The following FER1L5 variants were observed in gnomAD, a reference collection of about 807,000 sequenced individuals.
FER1L5 encodes fer-1-like protein 5.
Under a neutral mutation model 279.9 loss-of-function variants are expected in FER1L5, and 187 were observed. The observed-to-expected ratio is 0.67, with a 90% confidence interval of 0.59 to 0.75. The LOEUF is 0.75. Among genes scored for constraint, FER1L5 ranks in the 30% least tolerant of loss-of-function variants. The probability of loss-of-function intolerance (pLI) is 0.00; values close to 1 mark genes in which losing one functional copy is unlikely to be tolerated. For synonymous variants in FER1L5, 921 were observed against 989.7 expected, an observed-to-expected ratio of 0.93 and a Z score of 1.30; for missense variants, 2,091 against 2,594.4, an observed-to-expected ratio of 0.81 and a Z score of 4.21.
chr2:96,690,603 T>C lies in FER1L5; in HGVS notation c.2743+14T>C, dbSNP rs2077103979. 1 of 1,550,266 alleles carries C rather than the reference T, an allele frequency of 6.5e-7. No individual in the cohort carries two copies. The highest frequency in any genetic ancestry group is 8.7e-7 in the Non-Finnish European group (1 of 1,145,752). Reference sequence around the variant, plus strand: ...TGGACAGTAAGGGTCAGTCGTTTGGTCAGGGTTGGGATCGGGAGAGACCAG... The same window carrying C: ...TGGACAGTAAGGGTCAGTCGTTTGGCCAGGGTTGGGATCGGGAGAGACCAG... On this transcript the variant is annotated intron_variant, in intron 27 of 52. Transcript: ENST00000624922.
At chr2:96,660,464 GGT>G in intron 10 of FER1L5, 93 bp downstream of exon 10, 3 of 1,091,770 alleles carry the variant, frequency 2.7e-6, no homozygotes, top group Non-Finnish European at 2.7e-6. Context: ...CCAACACATG[GGT>G]GGAGGGGAGT....
intron 21 of FER1L5, 33 bp from the exon 22 acceptor site, chr2:96,685,906 AG>A: frequency 6.7e-7 from 1 of 1,482,156 alleles, no homozygotes; most frequent in Non-Finnish European, 9.0e-7. Context: ...GGCAGTAGAG[AG>A]GTCCAGCCCC....
rs116831287 is a variant in FER1L5, at chr2:96,688,164, G to A, written c.2361+217G>A. On this transcript the variant is annotated intron_variant, in intron 24 of 52. Coordinates refer to ENST00000624922, the MANE Select transcript of FER1L5 (RefSeq NM_001293083.2). ...AGGAGGCAGAGATTAAAGCAATCTC[G>A]GACACTGCCAGCTCTGGTCTCTTGT... Among the ~76,000 whole-genome samples the A allele has an allele frequency of 6.5e-3, 992 of 152,288 alleles. 4 individuals carry two copies. Among genetic ancestry groups the A allele is most frequent in the Non-Finnish European group, 0.01 (692 of 68,004 alleles).
At position 96,702,660 on chromosome 2, in the gene FER1L5, T is replaced by C. The variant is rs1423141034; in HGVS notation, c.5316T>C (p.Thr1772=). 6.2e-7 allele frequency: 1 copy of C among 1,609,462 alleles called. No individual in the cohort carries two copies. The highest frequency in any genetic ancestry group is 8.5e-7 in the Non-Finnish European group (1 of 1,177,942). Residue 1772 remains threonine (T), a synonymous_variant, in exon 48 of 53, where the codon ACT becomes ACC. Transcript: ENST00000624922. The surrounding 1 kb of genome is among the most constrained non-coding windows in gnomAD (Gnocchi z 4.0). ...CAGACATCCACTACCACTCGCTGAC[T>C]GGGGAGGCCGACTTCAACTGGCGGT... The part of the protein sequence containing the change: ...QKTDIHYHSL[T]GEADFNWRFI...
In FER1L5 at chr2:96,702,014, A is replaced by G. The variant is rs775275188; in HGVS notation, c.5130A>G (p.Gln1710=). Residue 1710 remains glutamine, a synonymous_variant, in exon 46 of 53, where the codon CAA becomes CAG. Transcript: ENST00000624922. The surrounding 1 kb of genome is among the most constrained non-coding windows in gnomAD (Gnocchi z 4.0). ...AGAAGCTGGGGCCTCCTGGCCCCCA[A>G]GTCAACATCAACCCCAGAAAGCCTA... ...FPKKLGPPGP[Q]VNINPRKPKR... The G allele has an allele frequency of 4.3e-6, 7 of 1,613,924 alleles. No homozygotes were observed. In the East Asian group the frequency reaches 8.9e-5, roughly 21 times the overall value.
Position 96,691,157 on chromosome 2 carries a change from G to T in FER1L5, c.2744-33G>T. The T allele has an allele frequency of 6.6e-7, 1 of 1,526,360 alleles. No homozygotes were observed. 94.6% of individuals were successfully genotyped at this position (1,526,360 alleles called of 1,614,324 possible). On this transcript the variant is annotated intron_variant, in intron 27 of 52. Coordinates refer to ENST00000624922, the MANE Select transcript of FER1L5 (RefSeq NM_001293083.2). The surrounding 1 kb of genome is among the most constrained non-coding windows in gnomAD (Gnocchi z 6.0). Reference sequence around the variant, plus strand: ...CAGGCCTCCCAACCTGCGGGCACCTGAGGACTCAGAGGCCATGGTCCACCC... The same window carrying T: ...CAGGCCTCCCAACCTGCGGGCACCTTAGGACTCAGAGGCCATGGTCCACCC...
intron 12 of FER1L5, among the ~76,000 whole-genome samples, chr2:96,662,009 A>G (rs1199409964): frequency 6.6e-6 from 1 of 152,182 alleles, no homozygotes; most frequent in Admixed American, 6.5e-5. Flanking sequence ...TATGATGGCC[A>G]GATGCAAACT....
intron 19 of FER1L5, among the ~76,000 whole-genome samples, chr2:96,683,442 C>A (rs1253968395): frequency 6.6e-6 from 1 of 152,102 alleles, no homozygotes; most frequent in East Asian, 1.9e-4. Context: ...GACCCCAGTC[C>A]TTAAGGGCCC....
chr2:96,661,352 G>A lies in FER1L5; in HGVS notation c.806G>A (p.Gly269Asp). 2 of 1,551,282 alleles carry A rather than the reference G, an allele frequency of 1.3e-6. No individual in the cohort carries two copies. Among genetic ancestry groups the A allele is most frequent in the Non-Finnish European group, 1.7e-6 (2 of 1,146,838 alleles). Residue 269 changes from glycine (G) to aspartate (D), a missense_variant, in exon 11 of 53, where the codon GGC (glycine) becomes GAC (aspartate). Coordinates refer to ENST00000624922, the MANE Select transcript of FER1L5 (RefSeq NM_001293083.2). ...CACACACTCCTAAGGAAATGGCTAG[G>A]CCTCTGCCAGCCAAATAACCCTGGC... The part of the protein sequence containing the change: ...PGHTLLRKWL[G>D]LCQPNNPGSG...
At chr2:96,672,119 C>T (rs2076349693) in intron 18 of FER1L5, among the ~76,000 whole-genome samples, 1 of 152,100 alleles carries the variant, frequency 6.6e-6, no homozygotes, top group African/African-American at 2.4e-5. Flanking sequence ...GCTCTTGTTG[C>T]CCAGGCTGGA....
chr2:96,673,001 C>T (rs1028264254), intron 18 of FER1L5, 76 bp from the exon 19 acceptor site: 17 of 1,479,158 alleles, frequency 1.1e-5, no homozygotes, highest in African/African-American at 4.2e-5. Flanking sequence ...GATACCTCAT[C>T]CTTGCCTCCC....
intron 42 of FER1L5, 101 bp from the exon 43 acceptor site, chr2:96,699,449 C>T: frequency 7.5e-7 from 1 of 1,331,620 alleles, no homozygotes; most frequent in Non-Finnish European, 1.0e-6. Context: ...CCACAATCTC[C>T]ATGAACAAAC....
At position 96,642,958 on chromosome 2, in the gene FER1L5, C is replaced by A. The variant is rs75961865; in HGVS notation, c.85+37C>A. 8.6e-5 allele frequency: 130 copies of A among 1,514,246 alleles called. 1 individual carries two copies. The East Asian group carries it at 3.1e-3, about 36-fold the overall frequency. 93.8% of individuals were successfully genotyped at this position (1,514,246 alleles called of 1,614,324 possible). On this transcript the variant is annotated intron_variant, in intron 1 of 52. Coordinates refer to ENST00000624922, the MANE Select transcript of FER1L5 (RefSeq NM_001293083.2). Reference sequence around the variant, plus strand: ...CCTGGGTCCACATGGGAGAGAGAAGCCCCCAGAGGCAACATGGATTCAGTG... The same window carrying A: ...CCTGGGTCCACATGGGAGAGAGAAGACCCCAGAGGCAACATGGATTCAGTG...
chr2:96,668,398 A>T (rs1002641132), intron 14 of FER1L5, among the ~76,000 whole-genome samples: 3 of 152,006 alleles, frequency 2.0e-5, no homozygotes, highest in Non-Finnish European at 4.4e-5. Flanking sequence ...CCTGGGCCTG[A>T]TGGCAGGTGC....
At chr2:96,692,710 C>CG (rs992782674) in intron 31 of FER1L5, among the ~76,000 whole-genome samples, 33 of 152,296 alleles carry the variant, frequency 2.2e-4, no homozygotes, top group Non-Finnish European at 4.0e-4. Flanking sequence ...CGCCCCAGTG[C>CG]AAGTTTCAGG....
At chr2:96,657,263 T>A (rs1371620064) in intron 9 of FER1L5, among the ~76,000 whole-genome samples, 2 of 151,758 alleles carry the variant, frequency 1.3e-5, no homozygotes, top group Non-Finnish European at 2.9e-5. Flanking sequence ...TTAGTGGAGA[T>A]GGGGTTTCAC....
Position 96,690,575 on chromosome 2 carries a change from C to T in FER1L5, c.2729C>T (p.Ala910Val). ...KKDWVVELNH[A>V]VDSKGWEYGV... ...GACTGGGTGGTGGAGCTGAACCACG[C>T]AGTGGACAGTAAGGGTCAGTCGTTT... Residue 910 changes from alanine (A) to valine (V), a missense_variant, in exon 27 of 53, where the codon GCA becomes GTA. Transcript: ENST00000624922. 6.4e-7 allele frequency: 1 copy of T among 1,551,636 alleles called. No homozygotes were observed. The highest frequency in any genetic ancestry group is 1.4e-5 in the African/African-American group (1 of 73,180).
intron 51 of FER1L5, among the ~76,000 whole-genome samples, chr2:96,703,986 T>C (rs2077688222): frequency 6.6e-6 from 1 of 152,042 alleles, no homozygotes; most frequent in Non-Finnish European, 1.5e-5. Context: ...CGGCTAATTT[T>C]TGTATTTTTA....
At chr2:96,693,769 T>C (rs1482008813) in intron 32 of FER1L5, 82 bp downstream of exon 32, 4 of 1,491,912 alleles carry the variant, frequency 2.7e-6, no homozygotes, top group East Asian at 2.5e-5. Context: ...TGAAAATGTA[T>C]GGAAAGTGCT....
Sources: allele counts gnomAD v4.1 joint callset (sites outside exome capture counted in the v4.1 genomes callset), GRCh38; gene constraint gnomAD v4.1.1; non-coding constraint Gnocchi (gnomAD v3.1); transcripts MANE v1.5; gene names NCBI Gene and HGNC (gene_info 2026-07-23, HGNC 2026-07-21).